Variants in TCF7 observed in about 807,000 individuals in gnomAD.
TCF7 encodes transcription factor 7.
In TCF7, 19 loss-of-function variants were observed where a neutral mutation model predicts 46.8. The ratio of observed to expected loss-of-function variants is 0.41; its 90% CI spans 0.28 to 0.60. The LOEUF (loss-of-function observed/expected upper bound fraction) is 0.60, where lower values mean the gene tolerates loss of function less well. TCF7 is among the 20% of genes least tolerant of loss of function. The probability of loss-of-function intolerance (pLI) is 0.35; values close to 1 mark genes in which losing one functional copy is unlikely to be tolerated. For missense variants in TCF7, 547 were observed against 504.6 expected, an observed-to-expected ratio of 1.08 and a Z score of -0.81; for synonymous variants, 245 against 213.4, an observed-to-expected ratio of 1.15 and a Z score of -1.29.
At chr5:134,110,627 C>T (rs939232541), upstream of TCF7, among the ~76,000 whole-genome samples, 2 of 152,228 alleles carry the variant, frequency 1.3e-5, no homozygotes, top group Non-Finnish European at 1.5e-5. Flanking sequence ...GTGCTCCTGC[C>T]GAGAGCCAGC....
chr5:134,135,022 C>T (rs1250068238), intron 3 of TCF7, among the ~76,000 whole-genome samples: 4 of 152,184 alleles, frequency 2.6e-5, no homozygotes, highest in Non-Finnish European at 5.9e-5. Context: ...GGCACAATCA[C>T]GGCTCACTGC....
chr5:134,143,592 G>A lies in TCF7; in HGVS notation c.1027G>A (p.Gly343Arg), dbSNP rs1412128558. 7 of 1,614,086 alleles carry A rather than the reference G, an allele frequency of 4.3e-6. No homozygotes were observed. Among genetic ancestry groups the A allele is most frequent in the Non-Finnish European group, 3.4e-6 (4 of 1,180,018 alleles). Reference sequence around the variant, plus strand: ...GCATCCCTCCTTTTGTTCCCTGCAGGGGAAGAAGAAGAGGCGGTCGAGGGA... The same window carrying A: ...GCATCCCTCCTTTTGTTCCCTGCAGAGGAAGAAGAAGAGGCGGTCGAGGGA... ...YPGWSARDNY[G>R]KKKRRSREKH... The change falls in exon 9 of 10, where the codon GGG (glycine) becomes AGG (arginine). Residue 343 changes from glycine to arginine, a missense_variant and splice_region_variant. Gly to Arg is a moderately radical substitution (Grantham distance 125, BLOSUM62 -2). Around this residue, in one of 3 missense-constraint regions of TCF7, gnomAD observed 90 missense variants for 88.8 expected, o/e 1.01. Coordinates refer to ENST00000342854, the MANE Select transcript of TCF7 (RefSeq NM_003202.5).
At chr5:134,142,336 TGTCA>T in intron 6 of TCF7, 32 bp downstream of exon 6, 1 of 1,552,170 alleles carries the variant, frequency 6.4e-7, no homozygotes, top group Non-Finnish European at 8.8e-7. Context: ...GCAGGGGGTG[TGTCA>T]GTCAGGATAC....
intron 9 of TCF7, chr5:134,145,881 G>A (rs751068900): frequency 6.3e-7 from 1 of 1,580,216 alleles, no homozygotes; most frequent in Non-Finnish European, 8.6e-7. Flanking sequence ...TGGTGCAGAT[G>A]TGAGTCCCAC....
intron 3 of TCF7, among the ~76,000 whole-genome samples, chr5:134,125,314 G>A (rs1377199284): frequency 1.3e-5 from 2 of 152,198 alleles, no homozygotes; most frequent in African/African-American, 4.8e-5. Context: ...TGAAAGCCTG[G>A]GACTTAAAAA....
chr5:134,126,784 C>T (rs1293929377), intron 3 of TCF7, among the ~76,000 whole-genome samples: 2 of 152,076 alleles, frequency 1.3e-5, no homozygotes, highest in African/African-American at 4.8e-5. Flanking sequence ...GTAATCCCAG[C>T]TGCTCAGGAG....
intron 3 of TCF7, among the ~76,000 whole-genome samples, chr5:134,129,984 T>C (rs113828344): frequency 6.6e-6 from 1 of 152,174 alleles, no homozygotes; most frequent in Non-Finnish European, 1.5e-5. Flanking sequence ...GCATCCACAC[T>C]CTGTGCTTTT....
At position 134,115,922 on chromosome 5, in the gene TCF7, G is replaced by A. The variant is rs562118016; in HGVS notation, c.330G>A (p.Pro110=). The A allele has an allele frequency of 3.7e-6, 6 of 1,613,958 alleles. No individual in the cohort carries two copies. The South Asian group carries it at 6.6e-5, about 18-fold the overall frequency. The change falls in exon 3 of 10, where the codon CCG becomes CCA. Residue 110 remains proline (P), a synonymous_variant. Transcript: ENST00000342854. ...PEPLEDGLKA[P]ECTSGMYKET... ...TGGTTTTTCCAGGCCTGAAGGCCCC[G>A]GAGTGCACCAGCGGCATGTACAAAG... is the stretch of plus-strand genomic sequence containing the variant.
In TCF7 at chr5:134,146,471, C is replaced by T. The variant is rs1424397500; in HGVS notation, c.*168C>T. The stretch of plus-strand genomic sequence containing the variant: ...GCCCCCACAGGCCCCCCGCAGCACC[C>T]TGCAGAGCACACAGGTACAGCAACA... On this transcript the variant is annotated 3_prime_UTR_variant, in exon 10 of 10. Transcript: ENST00000342854. The T allele has an allele frequency of 1.3e-6, 1 of 786,758 alleles. No individual in the cohort carries two copies. Among genetic ancestry groups the T allele is most frequent in the South Asian group, 1.4e-5 (1 of 70,912 alleles). 48.7% of individuals were successfully genotyped at this position (786,758 alleles called of 1,614,324 possible).
At chr5:134,139,308 T>C in intron 5 of TCF7, 1 of 479,656 alleles carries the variant, frequency 2.1e-6, no homozygotes, top group Non-Finnish European at 3.8e-6. Context: ...TCCCTCAGTG[T>C]CCAAGAGATC....
chr5:134,145,415 G>A (rs1185456971), intron 9 of TCF7: 9 of 565,880 alleles, frequency 1.6e-5, no homozygotes, highest in South Asian at 5.6e-5. Context: ...GACCCAGGGG[G>A]TACCCTGGGC....
In TCF7 at chr5:134,143,007, G is replaced by A. The variant is rs1168721976; in HGVS notation, c.933G>A (p.Ser311=). 1.4e-5 allele frequency: 23 copies of A among 1,612,700 alleles called. No individual in the cohort carries two copies. The highest frequency in any genetic ancestry group is 2.7e-5 in the African/African-American group (2 of 74,918). Residue 311 remains serine (S), a synonymous_variant, in exon 8 of 10, where the codon TCG becomes TCA. Transcript: ENST00000342854. ...CCCTGTTGCAGTGGCACGCGCTGTCGCGAGAAGAGCAGGCCAAGTACTATG... is the reference window on the plus strand; with the variant it reads ...CCCTGTTGCAGTGGCACGCGCTGTCACGAGAAGAGCAGGCCAAGTACTATG... ...QILGRRWHAL[S]REEQAKYYEL... is the part of the protein sequence containing the mutation.
In TCF7 at chr5:134,138,182, G is replaced by C; in HGVS notation, c.547+18G>C. Reference sequence around the variant, plus strand: ...GAAGCAAGGTACAAGCCTGGGATGGGGAGGGGCCCAGTGAAACCAGAGCCT... The same window carrying C: ...GAAGCAAGGTACAAGCCTGGGATGGCGAGGGGCCCAGTGAAACCAGAGCCT... On this transcript the variant is annotated intron_variant, in intron 4 of 9. Coordinates refer to ENST00000342854, the MANE Select transcript of TCF7 (RefSeq NM_003202.5). The C allele has an allele frequency of 6.2e-7, 1 of 1,608,654 alleles. No homozygotes were observed. The highest frequency in any genetic ancestry group is 8.5e-7 in the Non-Finnish European group (1 of 1,175,456).
At chr5:134,144,997 GC>G in intron 9 of TCF7, 1 of 807,486 alleles carries the variant, frequency 1.2e-6, no homozygotes, top group Non-Finnish European at 2.1e-6. Flanking sequence ...CAGATTGGGA[GC>G]CCAGGCCTCC....
intron 9 of TCF7, 119 bp from the exon 10 acceptor site, chr5:134,146,105 G>T (rs1760661488): frequency 3.1e-6 from 5 of 1,605,142 alleles, no homozygotes; most frequent in Non-Finnish European, 4.2e-6. Context: ...TACCACCCAA[G>T]TCCCAGGAAG....
intron 3 of TCF7, among the ~76,000 whole-genome samples, chr5:134,125,588 T>C (rs1580824518): frequency 6.6e-6 from 1 of 152,110 alleles, no homozygotes; most frequent in South Asian, 2.1e-4. Context: ...GAGGGTGAGG[T>C]GGTGGTCTCA....
intron 3 of TCF7, among the ~76,000 whole-genome samples, chr5:134,117,333 G>A (rs1348738957): frequency 6.6e-6 from 1 of 152,224 alleles, no homozygotes; most frequent in Non-Finnish European, 1.5e-5. Flanking sequence ...CACCCTGTGT[G>A]AGCCCATGCT....
intron 3 of TCF7, among the ~76,000 whole-genome samples, chr5:134,131,375 C>T (rs114734260): frequency 2.0e-5 from 3 of 152,344 alleles, no homozygotes; most frequent in African/African-American, 7.2e-5. Context: ...AGTGTCACCT[C>T]TGTGTGCTTG....
chr5:134,109,651 T>C, the TCF7 span, among the ~76,000 whole-genome samples: 107 of 151,830 alleles, frequency 7.0e-4, no homozygotes, highest in Middle Eastern at 3.4e-3. Context: ...GTGCCTGTAA[T>C]CCCAGCTACT....
Sources: gnomAD v4.1 joint callset for allele counts (sites outside exome capture counted in the v4.1 genomes callset) on GRCh38, gnomAD v4.1.1 for gene constraint, gnomAD v4.1.1 regional missense constraint, MANE v1.5 for transcripts, NCBI Gene and HGNC (gene_info 2026-07-23, HGNC 2026-07-21) for gene names.